NOTCH1: variants seen among roughly 807,000 people sequenced by gnomAD.
The protein encoded by NOTCH1 is notch receptor 1, also known as neurogenic locus notch homolog protein 1.
NOTCH1 carries 37 observed loss-of-function variants against 254.8 expected under a neutral mutation model. The observed-to-expected ratio is 0.15, with a 90% CI of 0.11 to 0.19. The LOEUF is 0.19. Ranked by LOEUF, NOTCH1 falls within the 10% of genes least tolerant of loss-of-function variation. The probability of loss-of-function intolerance (pLI) is 1.00; values close to 1 mark genes in which losing one functional copy is unlikely to be tolerated. For synonymous variants in NOTCH1, 1,731 were observed against 1,618.1 expected (o/e 1.07, Z -1.68); for missense variants, 2,972 against 3,708.6 (o/e 0.80, Z 5.16).
Position 136,509,009 on chromosome 9 carries a change from G to A in NOTCH1, c.3032C>T (p.Pro1011Leu), listed in dbSNP as rs1327771992. ...CTGGCAGTAGCTGCCCGTGAAGCCG[G>A]GTGGACACAGGCAGGTGAACGAGTT... Reference protein sequence around the residue: ...GINSFTCLCPPGFTGSYCQHD... With the variant: ...GINSFTCLCPLGFTGSYCQHD... Residue 1011 changes from proline (P) to leucine (L), a missense_variant, in exon 19 of 34, where the codon CCC (proline) becomes CTC (leucine). Pro to Leu is a moderately conservative substitution (Grantham distance 98). Around this residue, in one of 8 missense-constraint regions of NOTCH1, gnomAD observed 1,343 missense variants for 1,557.0 expected, o/e 0.86. Coordinates refer to ENST00000651671, the MANE Select transcript of NOTCH1 (RefSeq NM_017617.5). The A allele has an allele frequency of 6.4e-7, 1 of 1,562,134 alleles. No individual in the cohort carries two copies. The highest frequency in any genetic ancestry group is 8.7e-7 in the Non-Finnish European group (1 of 1,153,930).
In NOTCH1 at chr9:136,540,169, C is replaced by T. The variant is rs1843710887; in HGVS notation, c.140+3855G>A. Reference sequence around the variant, plus strand: ...GCCAGGCCACCACCGGGCCGGCACACCCCCAACATGTCCCACATGTGAGCT... The same window carrying T: ...GCCAGGCCACCACCGGGCCGGCACATCCCCAACATGTCCCACATGTGAGCT... On this transcript the variant is annotated intron_variant, in intron 2 of 33. Coordinates refer to ENST00000651671, the MANE Select transcript of NOTCH1 (RefSeq NM_017617.5). The surrounding 1 kb of genome is among the most constrained non-coding windows in gnomAD (Gnocchi z 4.4). Among the ~76,000 whole-genome samples, 1 of 152,228 alleles carries T rather than the reference C, an allele frequency of 6.6e-6. No individual in the cohort carries two copies. The highest frequency in any genetic ancestry group is 1.5e-5 in the Non-Finnish European group (1 of 68,052).
rs772435714 is a variant in NOTCH1 at position 136,515,529 on chromosome 9, C to T, written c.1857G>A (p.Gln619=). 1.2e-5 allele frequency: 19 copies of T among 1,611,930 alleles called. No individual in the cohort carries two copies. The highest frequency in any genetic ancestry group is 2.2e-5 in the East Asian group (1 of 44,848). ...AGCAGAGGTAGGCGTTGTCGCGGTC[C>T]TGGCAGGTGCCCCCGTGGCGGCAGG... ...SQPCRHGGTC[Q]DRDNAYLCFC... The change falls in exon 11 of 34, where the codon CAG becomes CAA. Residue 619 remains glutamine (Q), a synonymous_variant. Transcript: ENST00000651671.
chr9:136,504,942 C>T lies in NOTCH1; in HGVS notation c.4749G>A (p.Glu1583=), dbSNP rs1172144342. 1.9e-6 allele frequency: 3 copies of T among 1,587,736 alleles called. No individual in the cohort carries two copies. Among genetic ancestry groups the T allele is most frequent in the Non-Finnish European group, 2.6e-6 (3 of 1,168,746 alleles). ...AGTGGAAGGAGCTGTTGCGCAGCTG[C>T]TCCGGCGGCATCAGCACCACCACCA... ...TLVVVVLMPP[E]QLRNSSFHFL... Residue 1583 remains glutamate, a synonymous_variant, in exon 26 of 34, where the codon GAG becomes GAA. Coordinates refer to ENST00000651671, the MANE Select transcript of NOTCH1 (RefSeq NM_017617.5).
intron 22 of NOTCH1, 133 bp downstream of exon 22, chr9:136,507,172 G>T: frequency 6.5e-7 from 1 of 1,527,756 alleles, no homozygotes; most frequent in Non-Finnish European, 9.0e-7. Context: ...CTGTGAGTCG[G>T]CCTTGGCCTC....
At position 136,513,432 on chromosome 9, in the gene NOTCH1, C is replaced by G. The variant is rs746904183; in HGVS notation, c.2313G>C (p.Met771Ile). The G allele has an allele frequency of 6.2e-7, 1 of 1,613,048 alleles. No individual in the cohort carries two copies. Among genetic ancestry groups the G allele is most frequent in the Admixed American group, 1.7e-5 (1 of 60,026 alleles). ...GGCAGGTGCACACGTAGCCACTGGT[C>G]ATGTCTTTGCAGGTGCCGCCGTTGA... ...PCVNGGTCKD[M>I]TSGYVCTCRE... Residue 771 changes from methionine (M) to isoleucine (I), a missense_variant, in exon 14 of 34, where the codon ATG becomes ATC. Transcript: ENST00000651671. The surrounding 1 kb of genome is among the most constrained non-coding windows in gnomAD (Gnocchi z 4.7).
rs2133377966 is a variant in NOTCH1 at position 136,523,158 on chromosome 9, G to A, written c.434C>T (p.Ala145Val). The change falls in exon 4 of 34, where the codon GCC becomes GTC. Residue 145 changes from alanine to valine, a missense_variant. By Grantham distance (64) the Ala-to-Val change is moderately conservative. Coordinates refer to ENST00000651671, the MANE Select transcript of NOTCH1 (RefSeq NM_017617.5). ...GCCACCGTTGGCGCAGGGGTTGGAGGCGCACGGGTCAGCCTGCTGGCACGA... is the reference window on the plus strand; with the variant it reads ...GCCACCGTTGGCGCAGGGGTTGGAGACGCACGGGTCAGCCTGCTGGCACGA... ...GKSCQQADPC[A>V]SNPCANGGQC... The A allele has an allele frequency of 6.2e-7, 1 of 1,605,232 alleles. No homozygotes were observed. Among genetic ancestry groups the A allele is most frequent in the East Asian group, 2.2e-5 (1 of 44,586 alleles).
intron 2 of NOTCH1, among the ~76,000 whole-genome samples, chr9:136,526,330 G>A (rs1843459508): frequency 6.6e-6 from 1 of 152,230 alleles, no homozygotes; most frequent in South Asian, 2.1e-4. Context: ...CTCCCGCTTG[G>A]AGAAAAGGCC....
In NOTCH1 at chr9:136,508,139, C is replaced by A. The variant is rs772310059; in HGVS notation, c.3326G>T (p.Gly1109Val). 1 of 1,608,072 alleles carries A rather than the reference C, an allele frequency of 6.2e-7. No individual in the cohort carries two copies. The highest frequency in any genetic ancestry group is 8.5e-7 in the Non-Finnish European group (1 of 1,179,744). ...CTGGCACAGGCGGGCAACGTCAACACCTGCGGGGGATGGGGTGGTAGACAG... is the reference window on the plus strand; with the variant it reads ...CTGGCACAGGCGGGCAACGTCAACAACTGCGGGGGATGGGGTGGTAGACAG... Reference protein sequence around the residue: ...VSCEVAAQRQGVDVARLCQHG... With the variant: ...VSCEVAAQRQVVDVARLCQHG... Residue 1109 changes from glycine to valine, a missense_variant and splice_region_variant, in exon 21 of 34, where the codon GGT becomes GTT. Physicochemically the swap from Gly to Val is moderately radical, Grantham distance 109. Around this residue, in one of 8 missense-constraint regions of NOTCH1, gnomAD observed 1,343 missense variants for 1,557.0 expected, o/e 0.86. Coordinates refer to ENST00000651671, the MANE Select transcript of NOTCH1 (RefSeq NM_017617.5).
rs933997751 is a variant in NOTCH1, at chr9:136,508,440, G to A, written c.3172-55C>T. The A allele has an allele frequency of 4.8e-5, 77 of 1,610,628 alleles. No individual in the cohort carries two copies. The East Asian group carries it at 1.6e-3, about 34-fold the overall frequency. ...CCGCGCCCCGGCCATTTCCCCGGTA[G>A]CTCAGAACGCACATCTGCCAAGGGG... On this transcript the variant is annotated intron_variant, in intron 19 of 33. Coordinates refer to ENST00000651671, the MANE Select transcript of NOTCH1 (RefSeq NM_017617.5).
At chr9:136,512,927 C>CTCAT in intron 15 of NOTCH1, 94 bp downstream of exon 15, 4 of 394,598 alleles carry the variant, frequency 1.0e-5, no homozygotes, top group Admixed American at 3.0e-5. Flanking sequence ...CTGGCCCCAC[C>CTCAT]CTCTCCAGCA....
At position 136,508,401 on chromosome 9, in the gene NOTCH1, G is replaced by A. The variant is rs778351939; in HGVS notation, c.3172-16C>T. 5 of 1,613,012 alleles carry A rather than the reference G, an allele frequency of 3.1e-6. No homozygotes were observed. In the South Asian group the frequency reaches 3.3e-5, roughly 11 times the overall value. On this transcript the variant is annotated splice_polypyrimidine_tract_variant and intron_variant, in intron 19 of 33. Transcript: ENST00000651671. ...GCACAAGGTTCTGGGGACAGATTGG[G>A]GTCAGCTGGGTGCCCGCGCCCCGGC...
At chr9:136,514,798 C>A in intron 12 of NOTCH1, 96 bp from the exon 13 acceptor site, 1 of 1,230,314 alleles carries the variant, frequency 8.1e-7, no homozygotes, top group Non-Finnish European at 1.2e-6. Flanking sequence ...GGGGCGATCA[C>A]CCTTCTGGCC....
At chr9:136,537,044 A>T (rs1843667334) in intron 2 of NOTCH1, among the ~76,000 whole-genome samples, 1 of 151,128 alleles carries the variant, frequency 6.6e-6, no homozygotes, top group African/African-American at 2.4e-5. Context: ...TGAGCAGGAC[A>T]GGGGCCGCGG....
In NOTCH1 at chr9:136,545,906, T is replaced by G; in HGVS notation, c.-120A>C. ...GGCGGCGGACGGTCCCGCCCTCTCTTCCCCGGCTGGCTGGCGGCGCTGTGC... is the reference window on the plus strand; with the variant it reads ...GGCGGCGGACGGTCCCGCCCTCTCTGCCCCGGCTGGCTGGCGGCGCTGTGC... On this transcript the variant is annotated 5_prime_UTR_variant, in exon 1 of 34. Transcript: ENST00000651671. The surrounding 1 kb of genome is among the most constrained non-coding windows in gnomAD (Gnocchi z 6.8). The G allele has an allele frequency of 2.9e-6, 1 of 349,672 alleles. No individual in the cohort carries two copies. The highest frequency in any genetic ancestry group is 4.3e-6 in the Non-Finnish European group (1 of 230,082). 21.7% of individuals were successfully genotyped at this position (349,672 alleles called of 1,614,324 possible).
Position 136,496,455 on chromosome 9 carries a change from G to A in NOTCH1, c.7284C>T (p.His2428=), listed in dbSNP as rs1248029549. The A allele has an allele frequency of 3.7e-6, 6 of 1,600,338 alleles. No homozygotes were observed. Among genetic ancestry groups the A allele is most frequent in the African/African-American group, 1.3e-5 (1 of 74,942 alleles). ...HLGVSSAASG[H]LGRSFLSGEP... is the part of the protein sequence containing the mutation. The stretch of plus-strand genomic sequence containing the variant: ...CTCCACTCAGGAAGCTCCGGCCCAG[G>A]TGGCCGCTGGCTGCTGAGCTCACGC... Residue 2428 remains histidine, a synonymous_variant, in exon 34 of 34, where the codon CAC becomes CAT. Transcript: ENST00000651671.
chr9:136,532,282 T>C (rs1414068214), intron 2 of NOTCH1, among the ~76,000 whole-genome samples: 1 of 152,004 alleles, frequency 6.6e-6, no homozygotes, highest in Non-Finnish European at 1.5e-5. Context: ...ACTTGGCAGG[T>C]CCTAAAACTT....
intron 2 of NOTCH1, among the ~76,000 whole-genome samples, chr9:136,538,311 G>C (rs1294357974): frequency 6.7e-6 from 1 of 149,042 alleles, no homozygotes; most frequent in Non-Finnish European, 1.5e-5. Flanking sequence ...GGCGACCACC[G>C]AGCCCAGCGC....
intron 30 of NOTCH1, among the ~76,000 whole-genome samples, chr9:136,501,459 A>T (rs983892887): frequency 6.6e-6 from 1 of 151,536 alleles, no homozygotes. Flanking sequence ...AGAAAAAAAA[A>T]AAGAAAAAGA....
chr9:136,506,671 A>G lies in NOTCH1; in HGVS notation c.3902-32T>C, dbSNP rs766825487. On this transcript the variant is annotated intron_variant, in intron 23 of 33. Transcript: ENST00000651671. This position sits in a 1 kb window ranked among gnomAD's most constrained non-coding sequence, Gnocchi z 4.5. ...GTAAGAGCAGGGCAGTGAGAGGCTCACCCTGCTGCCCCACACGCCCCACCC... is the reference window on the plus strand; with the variant it reads ...GTAAGAGCAGGGCAGTGAGAGGCTCGCCCTGCTGCCCCACACGCCCCACCC... 98 of 1,597,014 alleles carry G rather than the reference A, an allele frequency of 6.1e-5. No homozygotes were observed. In the South Asian group the frequency reaches 1.0e-3, roughly 17 times the overall value.
Sources: gnomAD v4.1 joint callset for allele counts (sites outside exome capture counted in the v4.1 genomes callset) on GRCh38, gnomAD v4.1.1 for gene constraint, gnomAD v4.1.1 regional missense constraint, Gnocchi (gnomAD v3.1) non-coding constraint, MANE v1.5 for transcripts, NCBI Gene and HGNC (gene_info 2026-07-23, HGNC 2026-07-21) for gene names.